EFHD2: variants seen among roughly 807,000 people sequenced by gnomAD.
EFHD2 encodes EF-hand domain-containing protein D2.
Under a neutral mutation model 20.3 loss-of-function variants are expected in EFHD2, and 12 were observed. The observed-to-expected ratio is 0.59, with a 90% CI of 0.38 to 0.96. The LOEUF is 0.96. Among genes scored for constraint, EFHD2 ranks in the 40% least tolerant of loss-of-function variants. EFHD2 has a pLI of 0.00. For synonymous variants in EFHD2, 131 were observed against 143.9 expected, an observed-to-expected ratio of 0.91 and a Z score of 0.64; for missense variants, 250 against 334.3, an observed-to-expected ratio of 0.75 and a Z score of 1.97.
At chr1:15,421,039 C>A (rs529110380) in intron 1 of EFHD2, among the ~76,000 whole-genome samples, 1 of 152,270 alleles carries the variant, frequency 6.6e-6, no homozygotes, top group South Asian at 2.1e-4. Flanking sequence ...TCCTGTGGAC[C>A]AGGCTCTGTG....
In EFHD2 at chr1:15,425,991, C is replaced by CT. The variant is rs781571288; in HGVS notation, c.432dup (p.Asp145Ter). The CT allele has an allele frequency of 6.3e-7, 1 of 1,590,584 alleles. No homozygotes were observed. The highest frequency in any genetic ancestry group is 1.8e-5 in the Admixed American group (1 of 54,968). ...ACATGATCAAGGAGGTGGATGAGGA[C>CT]TTTGACAGCAAGCTGAGCTTCCGGG... On this transcript the variant is annotated frameshift_variant, in exon 2 of 4. Coordinates refer to ENST00000375980, the MANE Select transcript of EFHD2 (RefSeq NM_024329.6). LOFTEE classifies it high-confidence loss of function.
chr1:15,427,761 C>T (rs1707898597), intron 3 of EFHD2: 1 of 377,958 alleles, frequency 2.6e-6, no homozygotes, highest in Admixed American at 3.5e-5. Flanking sequence ...CTAGTGGCTC[C>T]TGGGTCCTGC....
chr1:15,418,643 C>CG, intron 1 of EFHD2, among the ~76,000 whole-genome samples: 1 of 152,260 alleles, frequency 6.6e-6, no homozygotes, highest in African/African-American at 2.4e-5. Flanking sequence ...ATAGGCCCCC[C>CG]CTTAAGTAAG....
At chr1:15,420,281 T>C (rs142653245) in intron 1 of EFHD2, among the ~76,000 whole-genome samples, 14 of 152,342 alleles carry the variant, frequency 9.2e-5, no homozygotes, top group Non-Finnish European at 1.8e-4. Context: ...AATTAACAGG[T>C]TTGAAGGACT....
intron 1 of EFHD2, among the ~76,000 whole-genome samples, chr1:15,422,754 A>G (rs1707814660): frequency 6.6e-6 from 1 of 152,082 alleles, no homozygotes; most frequent in Non-Finnish European, 1.5e-5. Context: ...GCAGCTACTC[A>G]GGAGGCTGAG....
At position 15,412,538 on chromosome 1, in the gene EFHD2, C is replaced by T. The variant is rs1707553316; in HGVS notation, c.308+2259C>T. The stretch of plus-strand genomic sequence containing the variant: ...GACATCTACTTTCATGTTGGAAAAC[C>T]TTCTCCAACACCCGCTTCCGTGTTC... On this transcript the variant is annotated intron_variant, in intron 1 of 3. Transcript: ENST00000375980. Among the ~76,000 whole-genome samples, 2 of 152,196 alleles carry T rather than the reference C, an allele frequency of 1.3e-5. 1 individual carries two copies. The highest frequency in any genetic ancestry group is 4.8e-5 in the African/African-American group (2 of 41,468).
intron 1 of EFHD2, among the ~76,000 whole-genome samples, chr1:15,411,502 C>T (rs548742300): frequency 1.1e-4 from 16 of 152,362 alleles, no homozygotes; most frequent in African/African-American, 3.4e-4. Context: ...TCTCTCCCAG[C>T]CATGTGTGTG....
At chr1:15,417,990 T>C (rs958200478) in intron 1 of EFHD2, among the ~76,000 whole-genome samples, 2,642 of 139,464 alleles carry the variant, frequency 0.019, 116 homozygotes, top group African/African-American at 0.066. Flanking sequence ...TCTTTTTTTT[T>C]TTTTTTTTTT....
chr1:15,416,482 T>A (rs546049708), intron 1 of EFHD2, among the ~76,000 whole-genome samples: 38 of 152,300 alleles, frequency 2.5e-4, no homozygotes, highest in Non-Finnish European at 4.6e-4. Flanking sequence ...GCCAGAAAGG[T>A]GTGGCCAGAT....
intron 1 of EFHD2, among the ~76,000 whole-genome samples, chr1:15,424,193 A>G (rs984223473): frequency 6.6e-6 from 1 of 151,940 alleles, no homozygotes; most frequent in Non-Finnish European, 1.5e-5. Flanking sequence ...GAAAAAAAAA[A>G]AAAAGAAAAA....
At chr1:15,428,015 C>G (rs1455748277) in intron 3 of EFHD2, 1 of 470,660 alleles carries the variant, frequency 2.1e-6, no homozygotes, top group South Asian at 1.6e-5. Flanking sequence ...TATAGGTTCT[C>G]TATTTCAATC....
chr1:15,418,391 C>T (rs1365738688), intron 1 of EFHD2, among the ~76,000 whole-genome samples: 1 of 148,068 alleles, frequency 6.8e-6, no homozygotes, highest in African/African-American at 2.5e-5. Context: ...CTGCAAGCTC[C>T]GCCTCCTGGG....
chr1:15,428,798 G>A lies in EFHD2; in HGVS notation c.*74G>A. The A allele has an allele frequency of 6.5e-7, 1 of 1,542,206 alleles. No individual in the cohort carries two copies. Among genetic ancestry groups the A allele is most frequent in the Non-Finnish European group, 8.8e-7 (1 of 1,142,128 alleles). On this transcript the variant is annotated 3_prime_UTR_variant, in exon 4 of 4. Coordinates refer to ENST00000375980, the MANE Select transcript of EFHD2 (RefSeq NM_024329.6). ...GGGTGGCGCATGGGAGGCCGAGCCT[G>A]AATCCTTGCCTGTGTCTGACGGGAC...
intron 3 of EFHD2, chr1:15,427,805 T>G: frequency 4.7e-6 from 2 of 424,322 alleles, no homozygotes; most frequent in Non-Finnish European, 9.8e-6. Context: ...GCCTTGTTTC[T>G]CTCTTTCCTT....
intron 1 of EFHD2, among the ~76,000 whole-genome samples, chr1:15,423,736 C>T (rs192230565): frequency 1.3e-5 from 2 of 152,178 alleles, no homozygotes; most frequent in African/African-American, 4.8e-5. Context: ...CTGGGGAGCC[C>T]GTAAGAAGGT....
chr1:15,421,614 G>A (rs1707793081), intron 1 of EFHD2, among the ~76,000 whole-genome samples: 1 of 152,162 alleles, frequency 6.6e-6, no homozygotes, highest in Admixed American at 6.5e-5. Context: ...AAAGACAGAG[G>A]GATCCACAGC....
intron 1 of EFHD2, among the ~76,000 whole-genome samples, chr1:15,418,919 C>T (rs185310640): frequency 5.3e-5 from 8 of 152,370 alleles, no homozygotes; most frequent in Admixed American, 1.3e-4. Context: ...GTCTCCTTGT[C>T]GGTTCATGTT....
intron 2 of EFHD2, 52 bp from the exon 3 acceptor site, chr1:15,427,098 C>A: frequency 6.3e-7 from 1 of 1,591,062 alleles, no homozygotes. Flanking sequence ...GGGACTCCGG[C>A]TCCCCTCCTT....
At chr1:15,418,525 T>C (rs982828438) in intron 1 of EFHD2, among the ~76,000 whole-genome samples, 2 of 150,208 alleles carry the variant, frequency 1.3e-5, no homozygotes, top group African/African-American at 4.9e-5. Flanking sequence ...CAGGATGGTC[T>C]CAATCTCCTG....
Sources: allele counts gnomAD v4.1 joint callset (sites outside exome capture counted in the v4.1 genomes callset), GRCh38; gene constraint gnomAD v4.1.1; transcripts MANE v1.5; gene names NCBI Gene and HGNC (gene_info 2026-07-23, HGNC 2026-07-21).